NELL1: variants seen among roughly 807,000 people sequenced by gnomAD.
The protein encoded by NELL1 is neural EGFL like 1.
Under a neutral mutation model 107.4 loss-of-function variants are expected in NELL1, and 76 were observed. The ratio of observed to expected loss-of-function variants is 0.71; its 90% CI spans 0.59 to 0.86. The LOEUF (loss-of-function observed/expected upper bound fraction) is 0.86. Ranked by LOEUF, NELL1 falls within the 40% of genes least tolerant of loss-of-function variation. The pLI is 0.00. For synonymous variants in NELL1, 353 were observed against 341.2 expected (o/e 1.03, Z -0.38); for missense variants, 1,024 against 1,005.5 (o/e 1.02, Z -0.25).
At chr11:21,374,555 G>A (rs1851426033) in intron 15 of NELL1, among the ~76,000 whole-genome samples, 1 of 152,000 alleles carries the variant, frequency 6.6e-6, no homozygotes, top group Non-Finnish European at 1.5e-5. Flanking sequence ...GTTCCTTAGA[G>A]GAGACTCACT....
Position 20,702,483 on chromosome 11 carries a change from T to C in NELL1, c.184+24423T>C, listed in dbSNP as rs1032568146. On this transcript the variant is annotated intron_variant, in intron 2 of 19. Transcript: ENST00000357134. ...GGGACAATTTGACTTCCTCTTTTCC[T>C]AACTGAATACCCTTTATTTCCTTCT... 9.9e-5 allele frequency among the ~76,000 whole-genome samples: 15 copies of C among 152,268 alleles called. No individual in the cohort carries two copies. In the South Asian group the frequency reaches 2.9e-3, roughly 29 times the overall value.
At chr11:21,521,472 G>T (rs971228422) in intron 15 of NELL1, among the ~76,000 whole-genome samples, 3 of 152,036 alleles carry the variant, frequency 2.0e-5, no homozygotes, top group South Asian at 2.1e-4. Context: ...TACAGTGATT[G>T]GGTATAATGT....
At chr11:21,214,490 A>G (rs1857570771) in intron 13 of NELL1, among the ~76,000 whole-genome samples, 1 of 152,168 alleles carries the variant, frequency 6.6e-6, no homozygotes, top group South Asian at 2.1e-4. Context: ...AACATAATGC[A>G]TTATTTCTAT....
At chr11:21,423,354 G>A (rs1360939333) in intron 15 of NELL1, among the ~76,000 whole-genome samples, 2 of 151,928 alleles carry the variant, frequency 1.3e-5, no homozygotes, top group Admixed American at 6.6e-5. Context: ...TGGCGACAGA[G>A]AGAGACTTCA....
intron 15 of NELL1, among the ~76,000 whole-genome samples, chr11:21,449,511 TTG>T (rs949073437): frequency 6.6e-6 from 1 of 152,156 alleles, no homozygotes; most frequent in Admixed American, 6.5e-5. Flanking sequence ...GCTTTGTGGC[TTG>T]TCTTTTTATT....
intron 15 of NELL1, among the ~76,000 whole-genome samples, chr11:21,403,960 C>T (rs192187551): frequency 1.3e-5 from 2 of 148,626 alleles, no homozygotes; most frequent in Non-Finnish European, 3.0e-5. Flanking sequence ...GTATCCTCCT[C>T]TAACCCTTGA....
intron 12 of NELL1, among the ~76,000 whole-genome samples, chr11:21,057,031 G>A (rs1853629893): frequency 6.6e-6 from 1 of 152,056 alleles, no homozygotes; most frequent in Non-Finnish European, 1.5e-5. Context: ...AGGGGTTTAT[G>A]AGTTTTAAAG....
At chr11:21,249,427 A>AT (rs370106939) in intron 14 of NELL1, among the ~76,000 whole-genome samples, 39 of 149,270 alleles carry the variant, frequency 2.6e-4, no homozygotes, top group South Asian at 4.2e-4. Flanking sequence ...ACAGTTACTT[A>AT]TTTTTTTTTT....
chr11:21,064,671 G>A (rs1229085907), intron 12 of NELL1, among the ~76,000 whole-genome samples: 5 of 152,254 alleles, frequency 3.3e-5, no homozygotes, highest in South Asian at 4.1e-4. Flanking sequence ...GGATGGGAAA[G>A]TGGGGAAGAG....
At chr11:21,523,122 C>A (rs758393200) in intron 15 of NELL1, among the ~76,000 whole-genome samples, 8 of 152,068 alleles carry the variant, frequency 5.3e-5, no homozygotes, top group Non-Finnish European at 1.2e-4. Context: ...GCTGGGATTA[C>A]AGGTGTGAGC....
intron 19 of NELL1, 134 bp downstream of exon 19, chr11:21,573,543 A>T (rs1356627964): frequency 1.1e-5 from 8 of 754,908 alleles, no homozygotes; most frequent in Non-Finnish European, 1.8e-5. Context: ...TTTACTTCTC[A>T]TAGGAATTTA....
intron 9 of NELL1, 44 bp from the exon 10 acceptor site, chr11:20,937,742 T>G (rs765663394): frequency 2.1e-6 from 3 of 1,458,034 alleles, no homozygotes; most frequent in Non-Finnish European, 2.9e-6. Flanking sequence ...GGTCATTTTG[T>G]GGCACAGCAG....
At chr11:21,423,035 C>A (rs1050363994) in intron 15 of NELL1, among the ~76,000 whole-genome samples, 4 of 152,140 alleles carry the variant, frequency 2.6e-5, no homozygotes, top group African/African-American at 9.6e-5. Flanking sequence ...ACATGGGTTG[C>A]TATACTAATA....
intron 14 of NELL1, among the ~76,000 whole-genome samples, chr11:21,338,813 T>C (rs1441631632): frequency 1.3e-5 from 2 of 152,126 alleles, no homozygotes; most frequent in African/African-American, 4.8e-5. Flanking sequence ...GACTGTAACT[T>C]TGCAAAGTTT....
intron 12 of NELL1, among the ~76,000 whole-genome samples, chr11:21,076,229 G>C (rs945858488): frequency 6.6e-6 from 1 of 152,230 alleles, no homozygotes; most frequent in African/African-American, 2.4e-5. Context: ...CCAGAAATGG[G>C]GCTGACCCTG....
At chr11:20,751,027 G>T (rs1258385010) in intron 2 of NELL1, among the ~76,000 whole-genome samples, 1 of 151,980 alleles carries the variant, frequency 6.6e-6, no homozygotes, top group East Asian at 1.9e-4. Flanking sequence ...TTGTCTATGT[G>T]TGTGTGTGTG....
At chr11:20,705,576 A>C (rs1310821758) in intron 2 of NELL1, among the ~76,000 whole-genome samples, 1 of 142,484 alleles carries the variant, frequency 7.0e-6, no homozygotes, top group South Asian at 2.2e-4. Flanking sequence ...AAGAAAACCT[A>C]GGCAATACCA....
At chr11:21,182,716 C>T (rs187450736) in intron 13 of NELL1, among the ~76,000 whole-genome samples, 26 of 151,612 alleles carry the variant, frequency 1.7e-4, no homozygotes, top group East Asian at 1.5e-3. Context: ...AGAGGCTTCC[C>T]AGGTGCTAGA....
At chr11:21,448,930 G>A (rs1853512590) in intron 15 of NELL1, among the ~76,000 whole-genome samples, 1 of 152,074 alleles carries the variant, frequency 6.6e-6, no homozygotes, top group South Asian at 2.1e-4. Context: ...TCCATTGTAT[G>A]GCTATATCAA....
Sources: gnomAD v4.1 joint callset for allele counts (sites outside exome capture counted in the v4.1 genomes callset) on GRCh38, gnomAD v4.1.1 for gene constraint, MANE v1.5 for transcripts, NCBI Gene and HGNC (gene_info 2026-07-23, HGNC 2026-07-21) for gene names.